Variants in LRRC28 observed in about 807,000 individuals in gnomAD.
LRRC28 encodes leucine rich repeat containing 28, also known as leucine-rich repeat-containing protein 28.
LRRC28 carries 39 observed loss-of-function variants against 45.7 expected under a neutral mutation model. The observed-to-expected ratio is 0.85, with a 90% CI of 0.66 to 1.12. LRRC28 has a LOEUF of 1.12. Ranked by LOEUF, LRRC28 falls within the 50% of genes most tolerant of loss-of-function variation. The pLI, the probability that LRRC28 is intolerant of heterozygous loss-of-function variation, is 0.00. For missense variants in LRRC28, 435 were observed against 438.5 expected, an observed-to-expected ratio of 0.99 and a Z score of 0.07; for synonymous variants, 206 against 178.8, an observed-to-expected ratio of 1.15 and a Z score of -1.22.
rs1387169350 is a variant in LRRC28, at chr15:99,387,447, C to T, written c.*1345C>T. 1 of 152,158 alleles carries T rather than the reference C, an allele frequency of 6.6e-6. No homozygotes were observed. The highest frequency in any genetic ancestry group is 2.4e-5 in the African/African-American group (1 of 41,418). 9.4% of individuals were successfully genotyped at this position (152,158 alleles called of 1,614,324 possible). A position where few individuals can be genotyped will look rare whatever the true frequency, so the allele number is the denominator to read the frequency against. ...GTGCACCACACTGTCTTCATGTTGG[C>T]CCTCGTTTCTTGTATACTTAGCTTA... On this transcript the variant is annotated 3_prime_UTR_variant, in exon 10 of 10. Transcript: ENST00000301981.
At chr15:99,361,151 A>G (rs1429200422) in intron 7 of LRRC28, 185 bp from the exon 8 acceptor site, 1 of 597,096 alleles carries the variant, frequency 1.7e-6, no homozygotes, top group Non-Finnish European at 2.8e-6. Flanking sequence ...CCAACTGATG[A>G]GTTTAGATTG....
intron 5 of LRRC28, among the ~76,000 whole-genome samples, chr15:99,309,566 G>A (rs542409969): frequency 9.2e-5 from 14 of 152,170 alleles, no homozygotes; most frequent in East Asian, 1.9e-4. Flanking sequence ...GCGCCACCAC[G>A]CCTGGCTAAT....
At chr15:99,270,313 G>A (rs1421793577) in intron 2 of LRRC28, among the ~76,000 whole-genome samples, 2 of 152,076 alleles carry the variant, frequency 1.3e-5, no homozygotes, top group Non-Finnish European at 2.9e-5. Context: ...CTATTGAAAT[G>A]ACAATAGGAT....
At chr15:99,383,042 C>T (rs1266447226) in intron 9 of LRRC28, among the ~76,000 whole-genome samples, 3 of 152,216 alleles carry the variant, frequency 2.0e-5, no homozygotes, top group South Asian at 2.1e-4. Context: ...CAGCGATATG[C>T]GCAACCCTCA....
chr15:99,307,271 G>A (rs183946922), intron 5 of LRRC28, among the ~76,000 whole-genome samples: 1 of 152,298 alleles, frequency 6.6e-6, no homozygotes, highest in East Asian at 1.9e-4. Context: ...GGCAGCACTG[G>A]CTACAGTGCA....
chr15:99,351,777 G>T (rs1163925128), intron 6 of LRRC28, among the ~76,000 whole-genome samples: 1 of 152,186 alleles, frequency 6.6e-6, no homozygotes, highest in Non-Finnish European at 1.5e-5. Context: ...CTTTATTTGA[G>T]ACCATCAGCC....
intron 5 of LRRC28, among the ~76,000 whole-genome samples, chr15:99,293,632 A>AAAAAAAC: frequency 7.0e-6 from 1 of 142,134 alleles, no homozygotes; most frequent in Non-Finnish European, 1.5e-5. Flanking sequence ...AAAAAAAAAA[A>AAAAAAAC]ACCTAAACAA....
chr15:99,305,428 T>C (rs1206856911), intron 5 of LRRC28, among the ~76,000 whole-genome samples: 1 of 152,258 alleles, frequency 6.6e-6, no homozygotes, highest in African/African-American at 2.4e-5. Flanking sequence ...CACATATTCA[T>C]TTAATTTTTT....
At chr15:99,353,432 C>T (rs1956949320) in intron 7 of LRRC28, among the ~76,000 whole-genome samples, 1 of 152,308 alleles carries the variant, frequency 6.6e-6, no homozygotes, top group East Asian at 1.9e-4. Context: ...TTTAGGAAAA[C>T]TTATGCAGCT....
chr15:99,358,806 G>C (rs933802912), intron 7 of LRRC28, among the ~76,000 whole-genome samples: 7 of 152,078 alleles, frequency 4.6e-5, no homozygotes, highest in Non-Finnish European at 1.0e-4. Flanking sequence ...GGCCAGGTGC[G>C]GTGGTTCATA....
chr15:99,312,023 C>A (rs953375195), intron 5 of LRRC28, among the ~76,000 whole-genome samples: 1 of 151,962 alleles, frequency 6.6e-6, no homozygotes, highest in Non-Finnish European at 1.5e-5. Context: ...TCCTAGAATA[C>A]TCACTAAAAA....
At chr15:99,317,603 T>C (rs779486881) in intron 5 of LRRC28, 2 of 152,190 alleles carry the variant, frequency 1.3e-5, no homozygotes, top group Non-Finnish European at 2.9e-5. Context: ...ATTTAAAAAT[T>C]AGATGTCAGC....
At chr15:99,259,545 T>C (rs1976589) in intron 2 of LRRC28, 983,212 of 1,253,734 alleles carry the variant, frequency 0.78, 386,499 homozygotes, top group African/African-American at 0.9. Flanking sequence ...ACAGAATCTC[T>C]GTGTGCTTTG....
rs545326148 is a variant in LRRC28 at position 99,280,548 on chromosome 15, G to A, written c.209+3932G>A. Among the ~76,000 whole-genome samples the A allele has an allele frequency of 7.9e-5, 12 of 151,962 alleles. No individual in the cohort carries two copies. The East Asian group carries it at 9.7e-4, about 12-fold the overall frequency. ...TTCATGATATTCATTATTCCCTGGC[G>A]TGCATAGTTTCTGAAGAAACATCTA... On this transcript the variant is annotated intron_variant, in intron 3 of 9. Transcript: ENST00000301981.
At chr15:99,311,639 T>G (rs902870951) in intron 5 of LRRC28, among the ~76,000 whole-genome samples, 1 of 152,226 alleles carries the variant, frequency 6.6e-6, no homozygotes, top group Non-Finnish European at 1.5e-5. Flanking sequence ...TTTGTGGTTG[T>G]TTGTAATTGC....
intron 7 of LRRC28, among the ~76,000 whole-genome samples, chr15:99,358,970 G>A (rs1957124880): frequency 6.6e-6 from 1 of 152,052 alleles, no homozygotes; most frequent in Admixed American, 6.6e-5. Context: ...TAGCTACTCA[G>A]GAGGCTGAGG....
At chr15:99,369,785 T>A (rs556105485) in intron 9 of LRRC28, among the ~76,000 whole-genome samples, 11 of 152,242 alleles carry the variant, frequency 7.2e-5, no homozygotes, top group Non-Finnish European at 1.3e-4. Context: ...GGTCTTACTT[T>A]AATCACCAGG....
chr15:99,374,201 A>G (rs1308046650), intron 9 of LRRC28, among the ~76,000 whole-genome samples: 1 of 152,130 alleles, frequency 6.6e-6, no homozygotes, highest in African/African-American at 2.4e-5. Context: ...GTTGACATAT[A>G]TGCTATGTTG....
At chr15:99,278,538 ACCTGGT>A (rs2081685390) in intron 3 of LRRC28, among the ~76,000 whole-genome samples, 1 of 152,166 alleles carries the variant, frequency 6.6e-6, no homozygotes, top group Admixed American at 6.5e-5. Context: ...GAGCCACTGC[ACCTGGT>A]CCCTTGTCTT....
Sources: gnomAD v4.1 joint callset for allele counts (sites outside exome capture counted in the v4.1 genomes callset) on GRCh38, gnomAD v4.1.1 for gene constraint, MANE v1.5 for transcripts, NCBI Gene and HGNC (gene_info 2026-07-23, HGNC 2026-07-21) for gene names.